The following FOXN3 variants were observed in gnomAD, a reference collection of about 807,000 sequenced individuals.
FOXN3 encodes the protein forkhead box N3.
Under a neutral mutation model 38.4 loss-of-function variants are expected in FOXN3, and 7 were observed. The ratio of observed to expected loss-of-function variants is 0.18; its 90% CI spans 0.10 to 0.34. The LOEUF (loss-of-function observed/expected upper bound fraction) is 0.34, where lower values mean the gene tolerates loss of function less well. Ranked by LOEUF, FOXN3 falls within the 10% of genes least tolerant of loss-of-function variation. The probability of loss-of-function intolerance (pLI) is 1.00; values close to 1 mark genes in which losing one functional copy is unlikely to be tolerated. For missense variants in FOXN3, 456 were observed against 613.4 expected, an observed-to-expected ratio of 0.74 and a Z score of 2.71; for synonymous variants, 230 against 242.2, an observed-to-expected ratio of 0.95 and a Z score of 0.47.
At chr14:89,248,844 A>T (rs1885371181) in intron 4 of FOXN3, among the ~76,000 whole-genome samples, 1 of 152,274 alleles carries the variant, frequency 6.6e-6, no homozygotes, top group Non-Finnish European at 1.5e-5. Flanking sequence ...TGGTTTAAAC[A>T]GCTTATTCAA....
chr14:89,310,122 T>A (rs1435185375), intron 3 of FOXN3, among the ~76,000 whole-genome samples: 1 of 152,206 alleles, frequency 6.6e-6, no homozygotes, highest in Admixed American at 6.5e-5. Flanking sequence ...AGAGTGGGCA[T>A]AATACCAGCC....
intron 1 of FOXN3, among the ~76,000 whole-genome samples, chr14:89,567,553 G>A (rs1895387053): frequency 6.7e-6 from 1 of 148,496 alleles, no homozygotes; most frequent in Admixed American, 6.7e-5. Flanking sequence ...AGGGAAGACT[G>A]TACTAGGTAC....
intron 1 of FOXN3, among the ~76,000 whole-genome samples, chr14:89,524,224 A>T (rs1339619408): frequency 1.4e-5 from 2 of 148,100 alleles, no homozygotes. Flanking sequence ...AATACAAAAA[A>T]TTAGCCAAGC....
chr14:89,209,924 T>G lies in FOXN3; in HGVS notation c.746-29118A>C, dbSNP rs147627410. 3.3e-3 allele frequency among the ~76,000 whole-genome samples: 505 copies of G among 152,336 alleles called. 3 individuals are homozygous for G. The highest frequency in any genetic ancestry group is 4.2e-3 in the Non-Finnish European group (286 of 68,022). ...ACTTCATTCCACCATTGTTAACAGA[T>G]AAGGAGAAACTTTTCGGTGGGAAAT... On this transcript the variant is annotated intron_variant, in intron 4 of 5. Transcript: ENST00000557258.
intron 1 of FOXN3, among the ~76,000 whole-genome samples, chr14:89,432,033 A>G (rs1346755840): frequency 6.6e-6 from 1 of 152,212 alleles, no homozygotes; most frequent in Non-Finnish European, 1.5e-5. Flanking sequence ...GCTTTTTTAT[A>G]ATCAAACAAT....
In FOXN3 at chr14:89,277,723, T is replaced by A. The variant is rs558851049; in HGVS notation, c.745+3227A>T. 8.3e-4 allele frequency among the ~76,000 whole-genome samples: 126 copies of A among 152,190 alleles called. 1 individual carries two copies. The highest frequency in any genetic ancestry group is 1.0e-3 in the Non-Finnish European group (69 of 68,036). ...TCTAAACCAAACAACGATTTGACAA[T>A]GAAAACTGGTGCCCCGCTCTAACTA... On this transcript the variant is annotated intron_variant, in intron 4 of 5. Coordinates refer to ENST00000557258, the MANE Select transcript of FOXN3 (RefSeq NM_005197.4).
intron 3 of FOXN3, among the ~76,000 whole-genome samples, chr14:89,315,423 C>T (rs1031774871): frequency 2.6e-5 from 4 of 152,122 alleles, no homozygotes; most frequent in African/African-American, 4.8e-5. Context: ...CATCAGCTCA[C>T]CCTTCCACTT....
intron 1 of FOXN3, among the ~76,000 whole-genome samples, chr14:89,547,035 G>A (rs746678543): frequency 1.3e-5 from 2 of 150,894 alleles, no homozygotes; most frequent in South Asian, 2.1e-4. Context: ...TCCACCCGCC[G>A]CAGCCTCCCA....
intron 5 of FOXN3, among the ~76,000 whole-genome samples, chr14:89,180,136 A>G (rs962092200): frequency 6.6e-5 from 10 of 152,212 alleles, no homozygotes; most frequent in African/African-American, 1.2e-4. Context: ...GATGGAGAGC[A>G]TGGAGGAGAG....
chr14:89,277,215 G>A (rs550953574), intron 4 of FOXN3, among the ~76,000 whole-genome samples: 6 of 152,236 alleles, frequency 3.9e-5, no homozygotes, highest in South Asian at 2.1e-4. Context: ...TAAAGAACAC[G>A]TTTCAAACAC....
rs1026849705 is a variant in FOXN3 at position 89,161,389 on chromosome 14, T to TG, written c.*1024_*1025insC. 4 of 151,942 alleles carry TG rather than the reference T, an allele frequency of 2.6e-5. No individual in the cohort carries two copies. Among genetic ancestry groups the TG allele is most frequent in the Non-Finnish European group, 5.9e-5 (4 of 67,966 alleles). The allele number at this position is 151,942 out of a possible 1,614,324, so 9.4% of individuals were successfully genotyped here. On this transcript the variant is annotated 3_prime_UTR_variant, in exon 6 of 6. Coordinates refer to ENST00000557258, the MANE Select transcript of FOXN3 (RefSeq NM_005197.4). ...GCAGGTTCCGTAGCTTTCTAGTTTT[T>TG]TTTTTTTTTTCACTTGGATCAAATA...
chr14:89,437,887 A>T (rs983265700), intron 1 of FOXN3, among the ~76,000 whole-genome samples: 2 of 152,218 alleles, frequency 1.3e-5, no homozygotes, highest in African/African-American at 4.8e-5. Context: ...TTTATCTGCA[A>T]CAGTCATAAT....
At chr14:89,448,792 C>A (rs1728283913) in intron 1 of FOXN3, among the ~76,000 whole-genome samples, 1 of 151,466 alleles carries the variant, frequency 6.6e-6, no homozygotes, top group Non-Finnish European at 1.5e-5. Flanking sequence ...AATACAAAAA[C>A]TAGCCAGATG....
Position 89,156,637 on chromosome 14 carries a change from T to G in FOXN3, c.*5777A>C, listed in dbSNP as rs1201317037. ...TTGGTCTTCTGATTGCTTTATCACT[T>G]TTTTTTTTTTTCTGTAAAACAAAAC... is the stretch of plus-strand genomic sequence containing the variant. On this transcript the variant is annotated 3_prime_UTR_variant, in exon 6 of 6. Transcript: ENST00000557258. 6.8e-6 allele frequency: 1 copy of G among 146,904 alleles called. No homozygotes were observed. Among genetic ancestry groups the G allele is most frequent in the Non-Finnish European group, 1.5e-5 (1 of 65,712 alleles). 9.1% of individuals were successfully genotyped at this position (146,904 alleles called of 1,614,324 possible). A position where few individuals can be genotyped will look rare whatever the true frequency, so the allele number is the denominator to read the frequency against.
intron 3 of FOXN3, among the ~76,000 whole-genome samples, chr14:89,302,762 T>C (rs1325059741): frequency 6.6e-6 from 1 of 152,200 alleles, no homozygotes; most frequent in Non-Finnish European, 1.5e-5. Flanking sequence ...GAAGGTATGC[T>C]ACTTCTCTCC....
At chr14:89,222,884 G>A (rs1390159277) in intron 4 of FOXN3, among the ~76,000 whole-genome samples, 1 of 152,114 alleles carries the variant, frequency 6.6e-6, no homozygotes, top group Non-Finnish European at 1.5e-5. Context: ...TCTAAACTAT[G>A]GAATCTGCCT....
chr14:89,590,051 G>A lies in FOXN3; in HGVS notation c.-15+28977C>T, dbSNP rs114299935. 3.6e-3 allele frequency among the ~76,000 whole-genome samples: 552 copies of A among 152,282 alleles called. 4 individuals are homozygous for A. Among genetic ancestry groups the A allele is most frequent in the African/African-American group, 0.012 (504 of 41,544 alleles). On this transcript the variant is annotated intron_variant, in intron 1 of 6. Transcript: ENST00000345097. ...CTGGGCATCTAAGCAGCCGAAAGGA[G>A]AAGGAACCTACTAAGAGTTGGATAT...
intron 3 of FOXN3, among the ~76,000 whole-genome samples, chr14:89,327,143 G>A (rs556327421): frequency 2.6e-5 from 4 of 152,158 alleles, no homozygotes; most frequent in Non-Finnish European, 2.9e-5. Flanking sequence ...TAGGTGGTCC[G>A]GGAAACTTAT....
At chr14:89,270,557 G>T (rs531303974) in intron 4 of FOXN3, among the ~76,000 whole-genome samples, 1 of 152,316 alleles carries the variant, frequency 6.6e-6, no homozygotes, top group East Asian at 1.9e-4. Flanking sequence ...TGGATGAGTT[G>T]CTCGAGGTCA....
Sources: allele counts gnomAD v4.1 joint callset (sites outside exome capture counted in the v4.1 genomes callset), GRCh38; gene constraint gnomAD v4.1.1; transcripts MANE v1.5; gene names NCBI Gene and HGNC (gene_info 2026-07-23, HGNC 2026-07-21).